GLRB: variants seen among roughly 807,000 people sequenced by gnomAD.
GLRB encodes glycine receptor beta.
In GLRB, 33 loss-of-function variants were observed where a neutral mutation model predicts 54.2. That is an observed-to-expected ratio of 0.61 (90% CI 0.46 to 0.81). GLRB has a LOEUF of 0.81. Ranked by LOEUF, GLRB falls within the 40% of genes least tolerant of loss-of-function variation. GLRB has a pLI of 0.00. For missense variants in GLRB, 572 were observed against 584.6 expected (o/e 0.98, Z 0.22); for synonymous variants, 209 against 208.2 (o/e 1.00, Z -0.03).
chr4:157,160,446 C>T (rs1282193494), intron 9 of GLRB, among the ~76,000 whole-genome samples: 2 of 151,938 alleles, frequency 1.3e-5, no homozygotes, highest in Non-Finnish European at 2.9e-5. Flanking sequence ...TTTAGGTCTT[C>T]CTGCTTTATC....
intron 2 of GLRB, among the ~76,000 whole-genome samples, chr4:157,082,702 A>G (rs1016321460): frequency 3.9e-5 from 6 of 152,122 alleles, no homozygotes; most frequent in African/African-American, 1.4e-4. Context: ...ATTATTTGTC[A>G]ATGACTGAAA....
intron 2 of GLRB, among the ~76,000 whole-genome samples, chr4:157,110,363 T>C (rs145898624): frequency 2.0e-3 from 300 of 152,110 alleles, no homozygotes; most frequent in African/African-American, 6.8e-3. Context: ...TTGCTCTGAA[T>C]TATTTTAAAT....
intron 2 of GLRB, among the ~76,000 whole-genome samples, chr4:157,099,526 G>C (rs914095371): frequency 6.6e-6 from 1 of 151,808 alleles, no homozygotes; most frequent in African/African-American, 2.4e-5. Flanking sequence ...CAGTAGAGAC[G>C]GGGTTTCACC....
chr4:157,099,964 C>T (rs1328511844), intron 2 of GLRB, among the ~76,000 whole-genome samples: 1 of 152,096 alleles, frequency 6.6e-6, no homozygotes, highest in African/African-American at 2.4e-5. Flanking sequence ...AATGACTTTT[C>T]AAGTGTTTGC....
At chr4:157,159,415 T>TTGTG (rs1737376826) in intron 9 of GLRB, among the ~76,000 whole-genome samples, 2 of 152,162 alleles carry the variant, frequency 1.3e-5, no homozygotes, top group Admixed American at 1.3e-4. Context: ...GTGCCAGTTT[T>TTGTG]CAAAGGGAAT....
chr4:157,159,511 A>C (rs1005228293), intron 9 of GLRB, among the ~76,000 whole-genome samples: 1 of 152,166 alleles, frequency 6.6e-6, no homozygotes, highest in Non-Finnish European at 1.5e-5. Context: ...TGTCCCATCA[A>C]TACCTAATTT....
intron 2 of GLRB, among the ~76,000 whole-genome samples, chr4:157,094,533 C>A (rs1201788097): frequency 6.6e-6 from 1 of 152,052 alleles, no homozygotes; most frequent in African/African-American, 2.4e-5. Context: ...AACTTTTAGG[C>A]ATTATTAAGA....
intron 2 of GLRB, among the ~76,000 whole-genome samples, chr4:157,097,919 G>A (rs1285645764): frequency 6.6e-6 from 1 of 152,166 alleles, no homozygotes; most frequent in Non-Finnish European, 1.5e-5. Flanking sequence ...TCCTTGGGAG[G>A]CTGAGGCAGG....
chr4:157,109,741 G>A (rs1006557564), intron 2 of GLRB, among the ~76,000 whole-genome samples: 5 of 151,936 alleles, frequency 3.3e-5, no homozygotes, highest in African/African-American at 1.2e-4. Flanking sequence ...CCTTGGGTTT[G>A]ATTAATATGC....
At chr4:157,139,880 A>T (rs1444580067) in intron 7 of GLRB, among the ~76,000 whole-genome samples, 1 of 151,990 alleles carries the variant, frequency 6.6e-6, no homozygotes, top group South Asian at 2.1e-4. Flanking sequence ...GAGAGATCAG[A>T]TGTTTGTAGA....
intron 2 of GLRB, among the ~76,000 whole-genome samples, chr4:157,087,917 G>T (rs1031482464): frequency 1.3e-5 from 2 of 152,010 alleles, no homozygotes; most frequent in Admixed American, 1.3e-4. Flanking sequence ...AAAGAGAGCT[G>T]AGGTCCCTTT....
At chr4:157,159,245 G>T (rs1414338719) in intron 9 of GLRB, among the ~76,000 whole-genome samples, 1 of 152,140 alleles carries the variant, frequency 6.6e-6, no homozygotes, top group Non-Finnish European at 1.5e-5. Flanking sequence ...AGACAATGGG[G>T]TTTTCTAAAT....
In GLRB at chr4:157,160,931, G is replaced by A. The variant is rs1486521483; in HGVS notation, c.1197+7921G>A. ...TGATCTGTCTAATGTTGACAGTGGGGTGTTAAAGTCTCCCATTCTTATTAT... is the reference window on the plus strand; with the variant it reads ...TGATCTGTCTAATGTTGACAGTGGGATGTTAAAGTCTCCCATTCTTATTAT... On this transcript the variant is annotated intron_variant, in intron 9 of 9. Transcript: ENST00000264428. 3.3e-5 allele frequency among the ~76,000 whole-genome samples: 5 copies of A among 152,200 alleles called. No homozygotes were observed. In the Middle Eastern group the frequency reaches 0.01, roughly 311 times the overall value.
intron 2 of GLRB, among the ~76,000 whole-genome samples, chr4:157,098,372 A>G (rs764139794): frequency 2.0e-5 from 3 of 152,182 alleles, no homozygotes; most frequent in Non-Finnish European, 2.9e-5. Context: ...GACTTTTGCA[A>G]TAGGGAGAAT....
At chr4:157,120,781 A>G in intron 3 of GLRB, 119 bp downstream of exon 3, 1 of 560,458 alleles carries the variant, frequency 1.8e-6, no homozygotes. Flanking sequence ...TAAGATTTCA[A>G]AGTGATATAT....
chr4:157,116,118 AT>A (rs1735601151), intron 2 of GLRB, among the ~76,000 whole-genome samples: 1 of 151,774 alleles, frequency 6.6e-6, no homozygotes. Flanking sequence ...AAATTTCTGG[AT>A]TTTTCCTTTA....
Position 157,138,853 on chromosome 4 carries a change from G to T in GLRB, c.655G>T (p.Asp219Tyr). The T allele has an allele frequency of 1.3e-6, 2 of 1,564,552 alleles. No homozygotes were observed. Among genetic ancestry groups the T allele is most frequent in the Middle Eastern group, 1.7e-4 (1 of 5,824 alleles). Residue 219 changes from aspartate (D) to tyrosine (Y), a missense_variant, in exon 7 of 10, where the codon GAT becomes TAT. Coordinates refer to ENST00000264428, the MANE Select transcript of GLRB (RefSeq NM_000824.5). ...TTTACGATTTATCTGGCAGTCAGGA[G>T]ATCCTGTGCAATTAGAAAAAATTGC... is the stretch of plus-strand genomic sequence containing the variant. ...DDLRFIWQSGDPVQLEKIALP... is the reference protein window; with the variant it reads ...DDLRFIWQSGYPVQLEKIALP...
Position 157,138,871 on chromosome 4 carries a change from A to G in GLRB, c.673A>G (p.Lys225Glu), listed in dbSNP as rs1338694463. ...GTCAGGAGATCCTGTGCAATTAGAAAAAATTGCCTTGCCTCAATTTGATAT... is the reference window on the plus strand; with the variant it reads ...GTCAGGAGATCCTGTGCAATTAGAAGAAATTGCCTTGCCTCAATTTGATAT... ...WQSGDPVQLE[K>E]IALPQFDIKK... The change falls in exon 7 of 10, where the codon AAA becomes GAA. Residue 225 changes from lysine to glutamate, a missense_variant. Transcript: ENST00000264428. 2.6e-6 allele frequency: 4 copies of G among 1,544,920 alleles called. No individual in the cohort carries two copies. Among genetic ancestry groups the G allele is most frequent in the African/African-American group, 1.4e-5 (1 of 73,614 alleles).
intron 2 of GLRB, among the ~76,000 whole-genome samples, chr4:157,120,117 G>A (rs1055065206): frequency 5.3e-5 from 8 of 151,278 alleles, no homozygotes; most frequent in African/African-American, 1.9e-4. Context: ...ATCATTCTCA[G>A]TAAACTGTCG....
Sources: gnomAD v4.1 joint callset for allele counts (sites outside exome capture counted in the v4.1 genomes callset) on GRCh38, gnomAD v4.1.1 for gene constraint, MANE v1.5 for transcripts, NCBI Gene and HGNC (gene_info 2026-07-23, HGNC 2026-07-21) for gene names.